Variants in OSBPL8 observed in about 807,000 individuals in gnomAD.
OSBPL8 encodes oxysterol-binding protein-related protein 8.
In OSBPL8, 59 loss-of-function variants were observed where a neutral mutation model predicts 125.5. That is an observed-to-expected ratio of 0.47 (90% CI 0.38 to 0.58). The LOEUF is 0.58. OSBPL8 is among the 20% of genes least tolerant of loss of function. The pLI, the probability that OSBPL8 is intolerant of heterozygous loss-of-function variation, is 0.00. For synonymous variants in OSBPL8, 330 were observed against 338.9 expected (o/e 0.97, Z 0.29); for missense variants, 758 against 1,047.8 (o/e 0.72, Z 3.82).
chr12:76,518,821 G>A (rs1192909240), intron 1 of OSBPL8, among the ~76,000 whole-genome samples: 1 of 152,218 alleles, frequency 6.6e-6, no homozygotes, highest in African/African-American at 2.4e-5. Context: ...GGGGAGGAGT[G>A]TCCTGATGCT....
At chr12:76,466,305 T>C (rs1024804090) in intron 2 of OSBPL8, among the ~76,000 whole-genome samples, 3 of 151,736 alleles carry the variant, frequency 2.0e-5, no homozygotes, top group African/African-American at 7.3e-5. Flanking sequence ...ACTGATATTT[T>C]TCAATCTACA....
chr12:76,519,060 C>G (rs1382535243), intron 1 of OSBPL8, among the ~76,000 whole-genome samples: 1 of 152,180 alleles, frequency 6.6e-6, no homozygotes, highest in Non-Finnish European at 1.5e-5. Context: ...CAGGGACAAA[C>G]TCTAAATTTT....
chr12:76,469,739 G>A (rs374421987), intron 2 of OSBPL8, among the ~76,000 whole-genome samples: 2 of 151,826 alleles, frequency 1.3e-5, no homozygotes, highest in East Asian at 3.9e-4. Context: ...CAATCATCTC[G>A]TAACACAGTT....
At chr12:76,550,769 A>G (rs1413742374) in intron 1 of OSBPL8, among the ~76,000 whole-genome samples, 8 of 152,188 alleles carry the variant, frequency 5.3e-5, no homozygotes, top group African/African-American at 1.7e-4. Context: ...ATAAATGGAA[A>G]ATTCAAGTAA....
intron 15 of OSBPL8, among the ~76,000 whole-genome samples, chr12:76,381,587 C>A (rs1277349655): frequency 2.0e-5 from 3 of 152,040 alleles, no homozygotes; most frequent in Non-Finnish European, 4.4e-5. Context: ...ACGTACTGAA[C>A]CTTTTTATTT....
intron 4 of OSBPL8, among the ~76,000 whole-genome samples, chr12:76,412,714 A>AC (rs1565876253): frequency 4.6e-5 from 7 of 151,994 alleles, no homozygotes; most frequent in African/African-American, 1.7e-4. Context: ...CACACACACA[A>AC]AAAAATTAAC....
intron 1 of OSBPL8, among the ~76,000 whole-genome samples, chr12:76,516,801 CCTTTTCTTTT>C (rs200389718): frequency 1.3e-5 from 2 of 149,914 alleles, no homozygotes; most frequent in East Asian, 3.9e-4. Flanking sequence ...CCATTTCTTT[CCTTTTCTTTT>C]CTTTTCTTTT....
chr12:76,422,514 G>A (rs1436702733), intron 4 of OSBPL8: 1 of 456,228 alleles, frequency 2.2e-6, no homozygotes, highest in Non-Finnish European at 4.4e-6. Context: ...CACAAACCTG[G>A]CAATGAAGGA....
At position 76,513,673 on chromosome 12, in the gene OSBPL8, C is replaced by T. The variant is rs181460717; in HGVS notation, c.-67-26055G>A. Among the ~76,000 whole-genome samples the T allele has an allele frequency of 5.7e-3, 863 of 150,386 alleles. 3 individuals are homozygous for T. Among genetic ancestry groups the T allele is most frequent in the South Asian group, 9.2e-3 (44 of 4,764 alleles). ...TCGATTGAACCCTTTACTAGTAATG[C>T]CCTTCTTTTTTTTTTTAATCTTTGT... On this transcript the variant is annotated intron_variant, in intron 1 of 23. Transcript: ENST00000261183.
intron 6 of OSBPL8, among the ~76,000 whole-genome samples, chr12:76,401,716 C>T (rs536995778): frequency 6.6e-6 from 1 of 152,122 alleles, no homozygotes; most frequent in South Asian, 2.1e-4. Flanking sequence ...TTTCAAATAA[C>T]AAAGAATGCC....
At chr12:76,537,103 A>C (rs1249692581) in intron 1 of OSBPL8, 1 of 152,506 alleles carries the variant, frequency 6.6e-6, no homozygotes, top group Non-Finnish European at 1.5e-5. Flanking sequence ...CAACATATGG[A>C]CTTGCTGTGC....
At chr12:76,414,450 GTT>G (rs35085467) in intron 4 of OSBPL8, among the ~76,000 whole-genome samples, 20,597 of 120,312 alleles carry the variant, frequency 0.17, 1,363 homozygotes, top group Middle Eastern at 0.22. Flanking sequence ...TATTTTTCTG[GTT>G]TTTTTTTTTT....
intron 4 of OSBPL8, among the ~76,000 whole-genome samples, chr12:76,418,010 C>CTTTTTTTTTTTTT (rs35319213): frequency 9.0e-6 from 1 of 111,582 alleles, no homozygotes; most frequent in Non-Finnish European, 1.8e-5. Flanking sequence ...TTTTCACTAC[C>CTTTTTTTTTTTTT]TTTTTTTTTT....
At chr12:76,513,510 A>G (rs138176140) in intron 1 of OSBPL8, among the ~76,000 whole-genome samples, 49 of 152,280 alleles carry the variant, frequency 3.2e-4, no homozygotes, top group African/African-American at 1.2e-3. Flanking sequence ...CTTGTCTAAT[A>G]CTGTCAGTGG....
intron 4 of OSBPL8, among the ~76,000 whole-genome samples, chr12:76,426,393 G>C (rs925619360): frequency 6.6e-6 from 1 of 152,080 alleles, no homozygotes; most frequent in Non-Finnish European, 1.5e-5. Context: ...AATTTAATTT[G>C]TCTGAAGTTT....
chr12:76,366,647 A>C (rs1952427722), intron 21 of OSBPL8: 2 of 420,330 alleles, frequency 4.8e-6, no homozygotes, highest in Admixed American at 5.9e-5. Context: ...TTGATTTGAG[A>C]TCTCTCTTAA....
At chr12:76,429,906 A>C (rs1359042101) in intron 4 of OSBPL8, among the ~76,000 whole-genome samples, 1 of 151,308 alleles carries the variant, frequency 6.6e-6, no homozygotes. Context: ...AAAAGATGGT[A>C]CCAGCTGTGA....
chr12:76,453,600 T>C lies in OSBPL8; in HGVS notation c.80-2612A>G, dbSNP rs190594295. Among the ~76,000 whole-genome samples, 828 of 152,146 alleles carry C rather than the reference T, an allele frequency of 5.4e-3. 7 individuals carry two copies. Among genetic ancestry groups the C allele is most frequent in the Non-Finnish European group, 7.2e-3 (490 of 67,982 alleles). On this transcript the variant is annotated intron_variant, in intron 3 of 23. Coordinates refer to ENST00000261183, the MANE Select transcript of OSBPL8 (RefSeq NM_020841.5). The stretch of plus-strand genomic sequence containing the variant: ...AGTTCTATGAAGACTACAGACATAA[T>C]GTAAAAAAGCAAAACTGGAAAATCT...
At chr12:76,512,490 G>T (rs1881102417) in intron 1 of OSBPL8, among the ~76,000 whole-genome samples, 1 of 152,120 alleles carries the variant, frequency 6.6e-6, no homozygotes, top group Non-Finnish European at 1.5e-5. Context: ...AGACCAGATG[G>T]TTGTAGGTAT....
Sources: allele counts gnomAD v4.1 joint callset (sites outside exome capture counted in the v4.1 genomes callset), GRCh38; gene constraint gnomAD v4.1.1; transcripts MANE v1.5; gene names NCBI Gene and HGNC (gene_info 2026-07-23, HGNC 2026-07-21).